Variants in LHFPL3 observed in about 807,000 individuals in gnomAD.
The protein encoded by LHFPL3 is LHFPL tetraspan subfamily member 3 protein.
In LHFPL3, 5 loss-of-function variants were observed where a neutral mutation model predicts 19.3. That is an observed-to-expected ratio of 0.26 (90% CI 0.14 to 0.54). LHFPL3 has a LOEUF of 0.54. Among genes scored for constraint, LHFPL3 ranks in the 20% least tolerant of loss-of-function variants. The probability of loss-of-function intolerance (pLI) is 0.94; values close to 1 mark genes in which losing one functional copy is unlikely to be tolerated. For missense variants in LHFPL3, 249 were observed against 307.4 expected, an observed-to-expected ratio of 0.81 and a Z score of 1.42; for synonymous variants, 133 against 126.2, an observed-to-expected ratio of 1.05 and a Z score of -0.36.
chr7:104,527,512 G>A (rs1380155041), intron 1 of LHFPL3, among the ~76,000 whole-genome samples: 1 of 152,190 alleles, frequency 6.6e-6, no homozygotes, highest in African/African-American at 2.4e-5. Context: ...TGCAAGAAGA[G>A]GGGAGGAACT....
chr7:104,522,539 T>TA (rs1424950911), intron 1 of LHFPL3, among the ~76,000 whole-genome samples: 3 of 151,462 alleles, frequency 2.0e-5, no homozygotes, highest in East Asian at 1.9e-4. Context: ...AGTATAATAA[T>TA]AAAAAAAAGA....
intron 2 of LHFPL3, among the ~76,000 whole-genome samples, chr7:104,811,231 G>T (rs114332389): frequency 6.7e-6 from 1 of 148,304 alleles, no homozygotes; most frequent in African/African-American, 2.5e-5. Context: ...GTCTCCCTCT[G>T]TCTCCCAGGA....
intron 2 of LHFPL3, among the ~76,000 whole-genome samples, chr7:104,740,592 A>G (rs1321821869): frequency 1.3e-5 from 2 of 152,216 alleles, no homozygotes; most frequent in African/African-American, 2.4e-5. Context: ...AGGTCTCACA[A>G]TCATGGTGGA....
At chr7:104,389,540 A>G (rs1252428903) in intron 1 of LHFPL3, among the ~76,000 whole-genome samples, 1 of 152,168 alleles carries the variant, frequency 6.6e-6, no homozygotes. Flanking sequence ...TAAAAGTATA[A>G]GAGGTTCAAA....
intron 1 of LHFPL3, among the ~76,000 whole-genome samples, chr7:104,695,786 A>ATT (rs1792985799): frequency 1.3e-5 from 2 of 152,210 alleles, no homozygotes; most frequent in South Asian, 4.1e-4. Context: ...AACCAACAAT[A>ATT]AGCAGAAGGC....
intron 1 of LHFPL3, among the ~76,000 whole-genome samples, chr7:104,373,501 C>T (rs535719450): frequency 6.6e-6 from 1 of 152,298 alleles, no homozygotes; most frequent in East Asian, 1.9e-4. Flanking sequence ...GACTCAAACT[C>T]TGTAAAATAT....
At chr7:104,536,356 T>C (rs1794387900) in intron 1 of LHFPL3, among the ~76,000 whole-genome samples, 1 of 152,088 alleles carries the variant, frequency 6.6e-6, no homozygotes. Context: ...GATGGTGATA[T>C]CAAATACAGA....
chr7:104,422,083 G>C (rs900638523), intron 1 of LHFPL3, among the ~76,000 whole-genome samples: 1 of 152,214 alleles, frequency 6.6e-6, no homozygotes, highest in African/African-American at 2.4e-5. Flanking sequence ...ATTTCAGGCC[G>C]GGTGCAGTGG....
At chr7:104,454,088 G>A (rs901039003) in intron 1 of LHFPL3, among the ~76,000 whole-genome samples, 5 of 152,198 alleles carry the variant, frequency 3.3e-5, no homozygotes, top group African/African-American at 1.2e-4. Context: ...AGGCTGTCTT[G>A]TTCACTTTGG....
intron 1 of LHFPL3, among the ~76,000 whole-genome samples, chr7:104,562,393 T>G (rs1416861951): frequency 6.6e-6 from 1 of 152,186 alleles, no homozygotes; most frequent in South Asian, 2.1e-4. Flanking sequence ...TTTTTATTCT[T>G]TTTTCTCTAG....
At chr7:104,589,786 C>G (rs1202401915) in intron 1 of LHFPL3, among the ~76,000 whole-genome samples, 1 of 152,148 alleles carries the variant, frequency 6.6e-6, no homozygotes, top group Non-Finnish European at 1.5e-5. Flanking sequence ...GCCTCAATTT[C>G]AGAGCCTGTT....
intron 1 of LHFPL3, among the ~76,000 whole-genome samples, chr7:104,533,587 A>G (rs1207506875): frequency 6.6e-6 from 1 of 152,158 alleles, no homozygotes; most frequent in Non-Finnish European, 1.5e-5. Flanking sequence ...TCCCTTTCAT[A>G]ATCCACACAG....
At chr7:104,485,338 G>A (rs184569399) in intron 1 of LHFPL3, among the ~76,000 whole-genome samples, 1 of 152,120 alleles carries the variant, frequency 6.6e-6, no homozygotes, top group East Asian at 1.9e-4. Context: ...CTACTGGTAT[G>A]ATGAATTATA....
chr7:104,509,668 C>T (rs41051), intron 1 of LHFPL3, among the ~76,000 whole-genome samples: 30,457 of 151,880 alleles, frequency 0.2, 4,209 homozygotes, highest in African/African-American at 0.39. Context: ...GCCTGTAAAA[C>T]CAAGAGCAAG....
intron 1 of LHFPL3, among the ~76,000 whole-genome samples, chr7:104,393,887 T>G (rs1791129861): frequency 6.6e-6 from 1 of 152,108 alleles, no homozygotes; most frequent in South Asian, 2.1e-4. Context: ...GTATGAAATT[T>G]GTACAAAATG....
intron 2 of LHFPL3, among the ~76,000 whole-genome samples, chr7:104,847,023 G>GT (rs1215796547): frequency 6.6e-6 from 1 of 150,516 alleles, no homozygotes; most frequent in African/African-American, 2.5e-5. Flanking sequence ...GTGAATTTCT[G>GT]TAACTAACTG....
intron 2 of LHFPL3, among the ~76,000 whole-genome samples, chr7:104,851,255 GA>G (rs1455116922): frequency 6.6e-6 from 1 of 152,194 alleles, no homozygotes; most frequent in Non-Finnish European, 1.5e-5. Context: ...ATGAATTAGT[GA>G]GAGAAAAGAA....
intron 1 of LHFPL3, among the ~76,000 whole-genome samples, chr7:104,437,728 T>C (rs1792138331): frequency 6.6e-6 from 1 of 152,114 alleles, no homozygotes. Context: ...GGGCTGGTTA[T>C]GGGGGTAGGG....
At chr7:104,665,177 C>A (rs918077669) in intron 1 of LHFPL3, among the ~76,000 whole-genome samples, 1 of 152,140 alleles carries the variant, frequency 6.6e-6, no homozygotes, top group Non-Finnish European at 1.5e-5. Flanking sequence ...GTGTTGGAAA[C>A]AATAGGTCAT....
Sources: allele counts gnomAD v4.1 joint callset (sites outside exome capture counted in the v4.1 genomes callset), GRCh38; gene constraint gnomAD v4.1.1; transcripts MANE v1.5; gene names NCBI Gene and HGNC (gene_info 2026-07-23, HGNC 2026-07-21).